SLTM: variants seen among roughly 807,000 people sequenced by gnomAD.
The protein encoded by SLTM is SAFB-like transcription modulator.
Under a neutral mutation model 134.6 loss-of-function variants are expected in SLTM, and 43 were observed. The observed-to-expected ratio is 0.32, with a 90% CI of 0.25 to 0.41. The LOEUF (loss-of-function observed/expected upper bound fraction) is 0.41, where lower values mean the gene tolerates loss of function less well. Among genes scored for constraint, SLTM ranks in the 10% least tolerant of loss-of-function variants. The pLI is 1.00. For synonymous variants in SLTM, 424 were observed against 432.3 expected (o/e 0.98, Z 0.24); for missense variants, 1,055 against 1,288.8 (o/e 0.82, Z 2.78).
rs1288139538 is a variant in SLTM at position 58,930,813 on chromosome 15, C to G, written c.250+1543G>C. 4.0e-5 allele frequency among the ~76,000 whole-genome samples: 6 copies of G among 149,782 alleles called. No individual in the cohort carries two copies. In the East Asian group the frequency reaches 5.8e-4, roughly 15 times the overall value. On this transcript the variant is annotated intron_variant, in intron 2 of 20. Coordinates refer to ENST00000380516, the MANE Select transcript of SLTM (RefSeq NM_024755.4). The stretch of plus-strand genomic sequence containing the variant: ...TGTCATAAAATGTATTGAAAAAACC[C>G]TTAAAATTTTATATTGCTGAAATTA...
chr15:58,891,493 A>C (rs2034639800), intron 14 of SLTM, among the ~76,000 whole-genome samples: 1 of 152,246 alleles, frequency 6.6e-6, no homozygotes, highest in African/African-American at 2.4e-5. Flanking sequence ...TATAAATAGA[A>C]GGAAAATTAT....
chr15:58,903,101 C>CA, intron 5 of SLTM, among the ~76,000 whole-genome samples: 1 of 151,938 alleles, frequency 6.6e-6, no homozygotes, highest in Non-Finnish European at 1.5e-5. Context: ...GGGGTTTCAC[C>CA]ATGTTAGCCA....
intron 2 of SLTM, among the ~76,000 whole-genome samples, chr15:58,931,800 CT>C (rs1217477404): frequency 2.0e-5 from 3 of 152,050 alleles, no homozygotes; most frequent in African/African-American, 7.3e-5. Flanking sequence ...TAATTTAAAA[CT>C]TTTTTAAGCT....
intron 15 of SLTM, chr15:58,889,989 A>G (rs2034530569): frequency 4.7e-6 from 2 of 423,010 alleles, no homozygotes; most frequent in South Asian, 3.8e-5. Flanking sequence ...AGACTGGGAT[A>G]GTGACAGAGC....
chr15:58,926,566 G>C (rs1381802723), intron 2 of SLTM, among the ~76,000 whole-genome samples: 16 of 151,698 alleles, frequency 1.1e-4, no homozygotes, highest in African/African-American at 3.9e-4. Context: ...AATTCAGGGT[G>C]GTGGGATTAC....
chr15:58,882,183 A>AAAAAAAAAAAAAAC (rs1351227475), intron 20 of SLTM, among the ~76,000 whole-genome samples: 2 of 148,140 alleles, frequency 1.4e-5, no homozygotes, highest in South Asian at 4.3e-4. Context: ...CTCTGTCTCA[A>AAAAAAAAAAAAAAC]AAAAAAAAAA....
At position 58,912,734 on chromosome 15, in the gene SLTM, T is replaced by C. The variant is rs892705135; in HGVS notation, c.514-124A>G. On this transcript the variant is annotated intron_variant, in intron 4 of 20. Transcript: ENST00000380516. ...TGTATAATATCTGCGATACCATGGG[T>C]ACTAAATCAATGCTTAATATTCAGA... The C allele has an allele frequency of 1.2e-5, 9 of 735,304 alleles. No individual in the cohort carries two copies. The African/African-American group carries it at 1.6e-4, about 13-fold the overall frequency. 45.5% of individuals were successfully genotyped at this position (735,304 alleles called of 1,614,324 possible).
Position 58,899,614 on chromosome 15 carries a change from C to G in SLTM, c.913G>C (p.Asp305His). 2 of 1,614,208 alleles carry G rather than the reference C, an allele frequency of 1.2e-6. No individual in the cohort carries two copies. Among genetic ancestry groups the G allele is most frequent in the Admixed American group, 1.7e-5 (1 of 60,012 alleles). ...TTCACGCAGTCTTCCTTCTTACCAT[C>G]TTTATGGTTCGCATTCATCTCATAA... ...KDYEMNANHK[D>H]GKKEDCVKGD... Residue 305 changes from aspartate to histidine, a missense_variant, in exon 7 of 21, where the codon GAT becomes CAT. Coordinates refer to ENST00000380516, the MANE Select transcript of SLTM (RefSeq NM_024755.4). This position sits in a 1 kb window ranked among gnomAD's most constrained non-coding sequence, Gnocchi z 5.0.
chr15:58,890,502 G>A, intron 14 of SLTM, 41 bp from the exon 15 acceptor site: 2 of 1,572,718 alleles, frequency 1.3e-6, no homozygotes, highest in Non-Finnish European at 1.7e-6. Context: ...AATTATGCTA[G>A]CACTGTGTGA....
Position 58,894,247 on chromosome 15 carries a change from T to A in SLTM, c.1378-54A>T, listed in dbSNP as rs2034894316. 3 of 1,484,320 alleles carry A rather than the reference T, an allele frequency of 2.0e-6. No homozygotes were observed. In the African/African-American group the frequency reaches 4.2e-5, roughly 21 times the overall value. 91.9% of individuals were successfully genotyped at this position (1,484,320 alleles called of 1,614,324 possible). A position where few individuals can be genotyped will look rare whatever the true frequency, so the allele number is the denominator to read the frequency against. On this transcript the variant is annotated intron_variant, in intron 10 of 20. Transcript: ENST00000380516. ...TGTACATATGGTTACATTTTTGTGA[T>A]TATAAGAAGTGTGCTAATGGCAGAA...
Position 58,904,234 on chromosome 15 carries a change from C to T in SLTM, c.562-2947G>A, listed in dbSNP as rs546748491. Among the ~76,000 whole-genome samples the T allele has an allele frequency of 8.5e-4, 129 of 152,034 alleles. 1 individual carries two copies. The highest frequency in any genetic ancestry group is 1.7e-3 in the Non-Finnish European group (115 of 67,982). ...CCATGTTGCCCAGGCTGGTCTCGAACTCCTGAGCCCAGGTGCTCTACCTGC... is the reference window on the plus strand; with the variant it reads ...CCATGTTGCCCAGGCTGGTCTCGAATTCCTGAGCCCAGGTGCTCTACCTGC... On this transcript the variant is annotated intron_variant, in intron 5 of 20. Coordinates refer to ENST00000380516, the MANE Select transcript of SLTM (RefSeq NM_024755.4).
intron 5 of SLTM, among the ~76,000 whole-genome samples, chr15:58,903,721 A>C (rs79308351): frequency 0.01 from 1,532 of 152,102 alleles, 29 homozygotes; most frequent in African/African-American, 0.033. Context: ...AATGGAAAAA[A>C]AAAAAGAATG....
chr15:58,892,365 T>C (rs1242864655), intron 14 of SLTM, among the ~76,000 whole-genome samples: 1 of 152,216 alleles, frequency 6.6e-6, no homozygotes, highest in Non-Finnish European at 1.5e-5. Flanking sequence ...CCGAATACCA[T>C]TAGGCTCACA....
At chr15:58,917,779 G>A (rs969657319) in intron 2 of SLTM, among the ~76,000 whole-genome samples, 2 of 151,830 alleles carry the variant, frequency 1.3e-5, no homozygotes, top group Non-Finnish European at 2.9e-5. Flanking sequence ...AGACAGAGTC[G>A]CACTCTGTCG....
chr15:58,899,901 G>A lies in SLTM; in HGVS notation c.626C>T (p.Ser209Phe). Reference protein sequence around the residue: ...AGSGDGTQEVSKPLPSEGSLA... With the variant: ...AGSGDGTQEVFKPLPSEGSLA... ...GCTCCCTTCTGAAGGAAGAGGTTTA[G>A]ATACTTCTTGTGTACCATCACCAGA... is the stretch of plus-strand genomic sequence containing the variant. The change falls in exon 7 of 21, where the codon TCT (serine) becomes TTT (phenylalanine). Residue 209 changes from serine to phenylalanine, a missense_variant. Ser to Phe is a radical substitution (Grantham distance 155, BLOSUM62 -2). Coordinates refer to ENST00000380516, the MANE Select transcript of SLTM (RefSeq NM_024755.4). This position sits in a 1 kb window ranked among gnomAD's most constrained non-coding sequence, Gnocchi z 5.0. 1 of 1,613,656 alleles carries A rather than the reference G, an allele frequency of 6.2e-7. No homozygotes were observed. Among genetic ancestry groups the A allele is most frequent in the Non-Finnish European group, 8.5e-7 (1 of 1,179,814 alleles).
At chr15:58,913,124 T>C (rs2036399757) in intron 4 of SLTM, among the ~76,000 whole-genome samples, 2 of 152,142 alleles carry the variant, frequency 1.3e-5, no homozygotes, top group African/African-American at 2.4e-5. Context: ...CAGAATGAAA[T>C]TGGTACATTC....
intron 4 of SLTM, 106 bp from the exon 5 acceptor site, chr15:58,912,716 T>C: frequency 3.5e-6 from 3 of 865,914 alleles, no homozygotes; most frequent in Non-Finnish European, 5.6e-6. Flanking sequence ...TTCTGTATAA[T>C]ATCTGCGATA....
In SLTM at chr15:58,931,844, A is replaced by G. The variant is rs552926254; in HGVS notation, c.250+512T>C. ...CATGGATTTTTCCCTCTACCTTGTTAGTATGATTGGTGAGGTCTTTTTGAA... is the reference window on the plus strand; with the variant it reads ...CATGGATTTTTCCCTCTACCTTGTTGGTATGATTGGTGAGGTCTTTTTGAA... On this transcript the variant is annotated intron_variant, in intron 2 of 20. Transcript: ENST00000380516. Among the ~76,000 whole-genome samples, 353 of 152,346 alleles carry G rather than the reference A, an allele frequency of 2.3e-3. 2 individuals carry two copies. The highest frequency in any genetic ancestry group is 3.4e-3 in the Middle Eastern group (1 of 292).
At chr15:58,923,166 T>C (rs1282743051) in intron 2 of SLTM, among the ~76,000 whole-genome samples, 1 of 152,044 alleles carries the variant, frequency 6.6e-6, no homozygotes, top group African/African-American at 2.4e-5. Flanking sequence ...AAGACTAGTA[T>C]GGACAACATG....
Sources: allele counts gnomAD v4.1 joint callset (sites outside exome capture counted in the v4.1 genomes callset), GRCh38; gene constraint gnomAD v4.1.1; non-coding constraint Gnocchi (gnomAD v3.1); transcripts MANE v1.5; gene names NCBI Gene and HGNC (gene_info 2026-07-23, HGNC 2026-07-21).